The following HELZ variants were observed in gnomAD, a reference collection of about 807,000 sequenced individuals.
HELZ encodes ATP-dependent RNA helicase with zinc finger domain.
A neutral mutation model predicts 218.2 loss-of-function variants in HELZ; 23 were observed. That is an observed-to-expected ratio of 0.11 (90% CI 0.08 to 0.15). The LOEUF is 0.15. HELZ is among the 10% of genes least tolerant of loss of function. HELZ has a pLI of 1.00. For missense variants in HELZ, 1,813 were observed against 2,353.7 expected, an observed-to-expected ratio of 0.77 and a Z score of 4.75; for synonymous variants, 814 against 829.4, an observed-to-expected ratio of 0.98 and a Z score of 0.32.
intron 31 of HELZ, among the ~76,000 whole-genome samples, chr17:67,094,336 A>G (rs187682187): frequency 2.2e-4 from 30 of 136,288 alleles, no homozygotes; most frequent in African/African-American, 9.9e-4. Context: ...AAAAAAAAAG[A>G]GAGAGAGAGA....
At chr17:67,126,667 G>A (rs967414464) in intron 24 of HELZ, among the ~76,000 whole-genome samples, 3 of 149,164 alleles carry the variant, frequency 2.0e-5, no homozygotes, top group Non-Finnish European at 4.5e-5. Flanking sequence ...TGGCCAACGT[G>A]ATGAAACCCT....
chr17:67,228,808 T>C (rs758920189), intron 3 of HELZ, among the ~76,000 whole-genome samples: 5 of 151,916 alleles, frequency 3.3e-5, no homozygotes, highest in Admixed American at 6.6e-5. Context: ...AACCTCCACC[T>C]CCCAGGTTCA....
chr17:67,185,354 A>G (rs983947003), intron 12 of HELZ, among the ~76,000 whole-genome samples: 1 of 152,238 alleles, frequency 6.6e-6, no homozygotes, highest in Non-Finnish European at 1.5e-5. Flanking sequence ...CAAGAAACAA[A>G]TATTACACTA....
At chr17:67,161,294 C>G (rs1053611975) in intron 15 of HELZ, among the ~76,000 whole-genome samples, 1 of 152,150 alleles carries the variant, frequency 6.6e-6, no homozygotes, top group African/African-American at 2.4e-5. Flanking sequence ...TTTATCTTGT[C>G]CTACACTACG....
intron 31 of HELZ, among the ~76,000 whole-genome samples, chr17:67,097,781 A>G (rs988334937): frequency 7.2e-5 from 11 of 152,238 alleles, no homozygotes; most frequent in Non-Finnish European, 1.6e-4. Flanking sequence ...GAAATAAAAT[A>G]GTTTGCAGTA....
At chr17:67,080,704 A>T (rs2036161705) in intron 32 of HELZ, among the ~76,000 whole-genome samples, 1 of 152,230 alleles carries the variant, frequency 6.6e-6, no homozygotes. Context: ...TATAATATTC[A>T]GTCATGGCAT....
At chr17:67,147,181 T>C (rs1271257916) in intron 20 of HELZ, among the ~76,000 whole-genome samples, 1 of 152,208 alleles carries the variant, frequency 6.6e-6, no homozygotes, top group Non-Finnish European at 1.5e-5. Flanking sequence ...ATTATATATT[T>C]AGTCACAGAA....
At chr17:67,089,722 C>CAGAGAG (rs2036521420) in intron 31 of HELZ, among the ~76,000 whole-genome samples, 4 of 79,154 alleles carry the variant, frequency 5.1e-5, no homozygotes, top group Non-Finnish European at 1.0e-4. Context: ...GAGAGAGAGA[C>CAGAGAG]AGAGACAGAG....
At chr17:67,244,469 G>A (rs1163527600) in intron 1 of HELZ, 2 of 355,766 alleles carry the variant, frequency 5.6e-6, no homozygotes, top group Admixed American at 6.4e-5. Flanking sequence ...ACTGCAGTCT[G>A]TGAGCCCTTG....
At chr17:67,236,354 A>T (rs1282162679) in intron 3 of HELZ, among the ~76,000 whole-genome samples, 1 of 152,224 alleles carries the variant, frequency 6.6e-6, no homozygotes, top group East Asian at 1.9e-4. Context: ...CCTTGAAAAC[A>T]GTAGGACAAT....
At chr17:67,146,969 G>GAT (rs916125153) in intron 20 of HELZ, among the ~76,000 whole-genome samples, 40 of 152,202 alleles carry the variant, frequency 2.6e-4, no homozygotes, top group African/African-American at 9.6e-4. Context: ...GAGTTGTTGA[G>GAT]ATATATACCT....
chr17:67,123,169 T>A lies in HELZ; in HGVS notation c.3440-9A>T, dbSNP rs1481927204. ...AGAAGGATTGGGCTGAACTGAAAAA[T>A]AAACAGAAAAAGGATGCACTCAACA... On this transcript the variant is annotated splice_polypyrimidine_tract_variant and intron_variant, in intron 25 of 32. Coordinates refer to ENST00000358691, the MANE Select transcript of HELZ (RefSeq NM_014877.4). The A allele has an allele frequency of 1.3e-6, 2 of 1,592,912 alleles. No homozygotes were observed. Among genetic ancestry groups the A allele is most frequent in the Admixed American group, 1.7e-5 (1 of 58,954 alleles).
At chr17:67,146,745 T>A (rs1279742336) in intron 20 of HELZ, among the ~76,000 whole-genome samples, 4 of 152,228 alleles carry the variant, frequency 2.6e-5, no homozygotes, top group Non-Finnish European at 5.9e-5. Flanking sequence ...TACAATTATA[T>A]CTATCCAATT....
intron 31 of HELZ, among the ~76,000 whole-genome samples, chr17:67,093,250 G>A (rs1180452239): frequency 6.6e-6 from 1 of 151,974 alleles, no homozygotes; most frequent in African/African-American, 2.4e-5. Flanking sequence ...AAAACCTGAG[G>A]GCTCAAATAT....
chr17:67,201,075 T>C lies in HELZ; in HGVS notation c.429+54A>G, dbSNP rs542096234. 4 of 1,269,618 alleles carry C rather than the reference T, an allele frequency of 3.2e-6. No individual in the cohort carries two copies. The South Asian group carries it at 4.8e-5, about 15-fold the overall frequency. 78.6% of individuals were successfully genotyped at this position (1,269,618 alleles called of 1,614,324 possible). A position where few individuals can be genotyped will look rare whatever the true frequency, so the allele number is the denominator to read the frequency against. Reference sequence around the variant, plus strand: ...TTTCCAAATTTTAATACATAATGCTTACTAGACAGATTGAGTCAAACTCTT... The same window carrying C: ...TTTCCAAATTTTAATACATAATGCTCACTAGACAGATTGAGTCAAACTCTT... On this transcript the variant is annotated intron_variant, in intron 7 of 32. Transcript: ENST00000358691.
Position 67,160,367 on chromosome 17 carries a change from T to A in HELZ, c.2076-5A>T. 6.4e-7 allele frequency: 1 copy of A among 1,569,772 alleles called. No homozygotes were observed. The highest frequency in any genetic ancestry group is 8.8e-7 in the Non-Finnish European group (1 of 1,141,344). On this transcript the variant is annotated splice_region_variant and splice_polypyrimidine_tract_variant and intron_variant, in intron 16 of 32. Coordinates refer to ENST00000358691, the MANE Select transcript of HELZ (RefSeq NM_014877.4). ...GAATGGGTGCAAATGAGAATCCTGC[T>A]GAAATAAATGGTGCAAATAAAAAGA...
intron 5 of HELZ, among the ~76,000 whole-genome samples, chr17:67,203,824 A>T (rs2040230893): frequency 6.6e-6 from 1 of 152,250 alleles, no homozygotes; most frequent in Non-Finnish European, 1.5e-5. Context: ...CATTAAAATG[A>T]GTAAGAACAG....
rs1227680335 is a variant in HELZ at position 67,095,491 on chromosome 17, T to C, written c.5242-8410A>G. On this transcript the variant is annotated intron_variant, in intron 31 of 32. Transcript: ENST00000358691. ...AGGGTCCAGGAGGTCAAGGCTGCAGTGAGTCATGATTGCACCACTGCACTC... is the reference window on the plus strand; with the variant it reads ...AGGGTCCAGGAGGTCAAGGCTGCAGCGAGTCATGATTGCACCACTGCACTC... Among the ~76,000 whole-genome samples the C allele has an allele frequency of 4.6e-5, 7 of 152,178 alleles. No individual in the cohort carries two copies. In the East Asian group the frequency reaches 7.7e-4, roughly 17 times the overall value.
At chr17:67,141,138 G>C (rs1411407983) in intron 21 of HELZ, among the ~76,000 whole-genome samples, 7 of 152,004 alleles carry the variant, frequency 4.6e-5, no homozygotes, top group Admixed American at 6.6e-5. Flanking sequence ...CACAAACAAA[G>C]AATCTTGGTA....
Sources: gnomAD v4.1 joint callset for allele counts (sites outside exome capture counted in the v4.1 genomes callset) on GRCh38, gnomAD v4.1.1 for gene constraint, MANE v1.5 for transcripts, NCBI Gene and HGNC (gene_info 2026-07-23, HGNC 2026-07-21) for gene names.